Variants in RELN observed in about 807,000 individuals in gnomAD.
RELN encodes the protein reelin.
RELN carries 108 observed loss-of-function variants against 427.6 expected under a neutral mutation model. The observed-to-expected ratio is 0.25, with a 90% CI of 0.22 to 0.30. The LOEUF (loss-of-function observed/expected upper bound fraction) is 0.30. Among genes scored for constraint, RELN ranks in the 10% least tolerant of loss-of-function variants. RELN has a pLI of 1.00. For missense variants in RELN, 3,715 were observed against 4,302.8 expected, an observed-to-expected ratio of 0.86 and a Z score of 3.82; for synonymous variants, 1,524 against 1,513.4, an observed-to-expected ratio of 1.01 and a Z score of -0.16.
At position 103,824,627 on chromosome 7, in the gene RELN, A is replaced by AGTGTGTGTGTGTGTGTGTGT. The variant is rs368098458; in HGVS notation, c.473+8890_473+8909dup. Among the ~76,000 whole-genome samples, 171 of 130,956 alleles carry AGTGTGTGTGTGTGTGTGTGT rather than the reference A, an allele frequency of 1.3e-3. 1 individual carries two copies. The highest frequency in any genetic ancestry group is 8.7e-3 in the Middle Eastern group (2 of 230). 85.9% of individuals were successfully genotyped at this position (130,956 alleles called of 152,430 possible). On this transcript the variant is annotated intron_variant, in intron 3 of 64. Transcript: ENST00000428762. This position sits in a 1 kb window ranked among gnomAD's most constrained non-coding sequence, Gnocchi z 4.4. ...GTGTTTTCACTTTCTTTCAAAACAGAGTGTGTGTGTGTGTGTGTGTGTGTG... is the reference window on the plus strand; with the variant it reads ...GTGTTTTCACTTTCTTTCAAAACAGAGTGTGTGTGTGTGTGTGTGTGTGTGTGTGTGTGTGTGTGTGTGTG...
intron 48 of RELN, among the ~76,000 whole-genome samples, chr7:103,521,046 G>A (rs889085819): frequency 1.5e-5 from 2 of 134,722 alleles, no homozygotes; most frequent in East Asian, 2.5e-4. Flanking sequence ...GCGCAATCTC[G>A]GCTCACTGCA....
chr7:103,746,444 G>A (rs1410071089), intron 6 of RELN, among the ~76,000 whole-genome samples: 1 of 151,832 alleles, frequency 6.6e-6, no homozygotes, highest in East Asian at 1.9e-4. Context: ...AAGAGCTTCT[G>A]CACAGCAAAA....
intron 49 of RELN, among the ~76,000 whole-genome samples, chr7:103,517,776 A>G (rs571097550): frequency 8.5e-5 from 13 of 152,272 alleles, no homozygotes; most frequent in Middle Eastern, 3.4e-3. Flanking sequence ...AACTGCTGGT[A>G]TTTCCTCAGT....
intron 4 of RELN, among the ~76,000 whole-genome samples, chr7:103,761,733 G>A (rs976458130): frequency 1.3e-5 from 2 of 152,170 alleles, no homozygotes; most frequent in African/African-American, 4.8e-5. Flanking sequence ...TGGGATTACA[G>A]GCGTGAGCCA....
intron 4 of RELN, among the ~76,000 whole-genome samples, chr7:103,764,436 C>T (rs1169140628): frequency 1.3e-5 from 2 of 152,162 alleles, no homozygotes; most frequent in Non-Finnish European, 2.9e-5. Context: ...AAACTTCATG[C>T]TCACAATCAT....
intron 8 of RELN, 142 bp from the exon 9 acceptor site, chr7:103,701,148 TCTC>T: frequency 1.5e-6 from 1 of 665,364 alleles, no homozygotes; most frequent in Non-Finnish European, 2.7e-6. Flanking sequence ...GATGCTGAAA[TCTC>T]CTGTGATCTG....
intron 2 of RELN, among the ~76,000 whole-genome samples, chr7:103,836,781 G>A (rs1294997702): frequency 6.6e-6 from 1 of 152,112 alleles, no homozygotes; most frequent in Non-Finnish European, 1.5e-5. Flanking sequence ...CTACTCCTAT[G>A]GGTCCCCACT....
chr7:103,520,367 C>A (rs1829671491), intron 48 of RELN, among the ~76,000 whole-genome samples: 1 of 152,100 alleles, frequency 6.6e-6, no homozygotes, highest in African/African-American at 2.4e-5. Context: ...CCTCCATCTC[C>A]TGGGTTCAAG....
chr7:103,728,632 C>T (rs533908110), intron 6 of RELN, among the ~76,000 whole-genome samples: 5 of 152,106 alleles, frequency 3.3e-5, no homozygotes, highest in South Asian at 4.1e-4. Flanking sequence ...AATACAAGGA[C>T]GTTTGCAAGT....
At chr7:103,637,376 T>C (rs560040586) in intron 17 of RELN, among the ~76,000 whole-genome samples, 17 of 152,318 alleles carry the variant, frequency 1.1e-4, no homozygotes, top group Admixed American at 7.2e-4. Flanking sequence ...AACAAGCCTT[T>C]ACAAAGCAAG....
intron 11 of RELN, among the ~76,000 whole-genome samples, chr7:103,681,508 C>A (rs1833652051): frequency 6.6e-6 from 1 of 151,838 alleles, no homozygotes; most frequent in South Asian, 2.1e-4. Context: ...TCAACTTGAA[C>A]TTCTGAAAGT....
In RELN at chr7:103,728,277, AAACG is replaced by A. The variant is rs1461004020; in HGVS notation, c.657-74_657-71del. The A allele has an allele frequency of 2.9e-6, 4 of 1,358,140 alleles. No individual in the cohort carries two copies. The African/African-American group carries it at 5.7e-5, about 19-fold the overall frequency. 84.1% of individuals were successfully genotyped at this position (1,358,140 alleles called of 1,614,324 possible). ...ACACGTGGTTTACTGCTCAGGTAAG[AAACG>A]ATATAATATTTATTGTTACTCAGCT... On this transcript the variant is annotated intron_variant, in intron 6 of 64. Coordinates refer to ENST00000428762, the MANE Select transcript of RELN (RefSeq NM_005045.4).
intron 6 of RELN, among the ~76,000 whole-genome samples, chr7:103,737,818 G>T (rs531597596): frequency 6.6e-5 from 10 of 152,118 alleles, no homozygotes; most frequent in Non-Finnish European, 1.3e-4. Flanking sequence ...GTCTTTTCTT[G>T]ATTCTAGCAA....
intron 3 of RELN, among the ~76,000 whole-genome samples, chr7:103,815,744 G>T (rs915841205): frequency 1.3e-5 from 2 of 152,270 alleles, no homozygotes; most frequent in South Asian, 4.1e-4. Flanking sequence ...ACACACTGAG[G>T]TGTGTTACTC....
intron 35 of RELN, 29 bp downstream of exon 35, chr7:103,561,780 CAAAG>C (rs1442530952): frequency 6.2e-7 from 1 of 1,613,724 alleles, no homozygotes; most frequent in East Asian, 2.2e-5. Context: ...TTTTGCGTTA[CAAAG>C]AAAGAAACTG....
intron 2 of RELN, among the ~76,000 whole-genome samples, chr7:103,855,402 T>G (rs1793921037): frequency 6.6e-6 from 1 of 152,168 alleles, no homozygotes; most frequent in African/African-American, 2.4e-5. Context: ...GAAATGTGTG[T>G]ATGTGTGTAA....
chr7:103,911,322 G>T (rs1019186424), intron 2 of RELN, among the ~76,000 whole-genome samples: 6 of 150,712 alleles, frequency 4.0e-5, no homozygotes, highest in African/African-American at 1.2e-4. Context: ...TCACACCAGT[G>T]AGAATGGCAA....
chr7:103,527,375 G>A (rs924891611), intron 46 of RELN, among the ~76,000 whole-genome samples: 14 of 152,262 alleles, frequency 9.2e-5, no homozygotes, highest in African/African-American at 3.4e-4. Flanking sequence ...CGACGATGAC[G>A]CCCAGTGACC....
chr7:103,839,628 T>C (rs996247320), intron 2 of RELN, among the ~76,000 whole-genome samples: 3 of 152,118 alleles, frequency 2.0e-5, no homozygotes, highest in African/African-American at 2.4e-5. Flanking sequence ...ACTTGGGTGG[T>C]ACTGATAAAA....
Sources: allele counts gnomAD v4.1 joint callset (sites outside exome capture counted in the v4.1 genomes callset), GRCh38; gene constraint gnomAD v4.1.1; non-coding constraint Gnocchi (gnomAD v3.1); transcripts MANE v1.5; gene names NCBI Gene and HGNC (gene_info 2026-07-23, HGNC 2026-07-21).